The following DTNB variants were observed in gnomAD, a reference collection of about 807,000 sequenced individuals.
DTNB encodes DTN-B.
A neutral mutation model predicts 90.7 loss-of-function variants in DTNB; 63 were observed. The ratio of observed to expected loss-of-function variants is 0.69; its 90% CI spans 0.57 to 0.86. The LOEUF (loss-of-function observed/expected upper bound fraction) is 0.86, where lower values mean the gene tolerates loss of function less well. DTNB is among the 40% of genes least tolerant of loss of function. The pLI, the probability that DTNB is intolerant of heterozygous loss-of-function variation, is 0.00. For synonymous variants in DTNB, 277 were observed against 286.7 expected, an observed-to-expected ratio of 0.97 and a Z score of 0.34; for missense variants, 744 against 807.1, an observed-to-expected ratio of 0.92 and a Z score of 0.95.
chr2:25,617,870 CCT>C (rs1046315083), intron 4 of DTNB, among the ~76,000 whole-genome samples: 1 of 151,986 alleles, frequency 6.6e-6, no homozygotes, highest in Admixed American at 6.6e-5. Flanking sequence ...AGAGCAAGAC[CCT>C]GTCTCAATAA....
At position 25,424,999 on chromosome 2, in the gene DTNB, C is replaced by T. The variant is rs1209843682; in HGVS notation, c.1554+2536G>A. ...ATCTCCCATCCCACAGGTGTACTAA[C>T]TCCATGGCAGCAGGGCTTTTAAAGC... is the stretch of plus-strand genomic sequence containing the variant. On this transcript the variant is annotated intron_variant, in intron 15 of 20. Transcript: ENST00000406818. The surrounding 1 kb of genome is among the most constrained non-coding windows in gnomAD (Gnocchi z 4.1). Among the ~76,000 whole-genome samples the T allele has an allele frequency of 6.6e-6, 1 of 152,172 alleles. No homozygotes were observed. Among genetic ancestry groups the T allele is most frequent in the African/African-American group, 2.4e-5 (1 of 41,436 alleles).
intron 10 of DTNB, among the ~76,000 whole-genome samples, chr2:25,463,329 T>C (rs540410494): frequency 6.6e-6 from 1 of 152,328 alleles, no homozygotes; most frequent in South Asian, 2.1e-4. Context: ...CAAGTCCTGA[T>C]GGCTCTTATT....
intron 16 of DTNB, among the ~76,000 whole-genome samples, chr2:25,391,978 C>T (rs2041247468): frequency 6.6e-6 from 1 of 152,104 alleles, no homozygotes; most frequent in African/African-American, 2.4e-5. Flanking sequence ...TGAAAGAGCA[C>T]AGACAATCTA....
intron 8 of DTNB, among the ~76,000 whole-genome samples, chr2:25,553,741 CAAAAAAAAAAAA>C (rs1184090329): frequency 2.6e-5 from 1 of 39,024 alleles, no homozygotes; most frequent in African/African-American, 9.5e-5. Context: ...AACTCCTTCT[CAAAAAAAAAAAA>C]AAAAAAAAAG....
intron 6 of DTNB, among the ~76,000 whole-genome samples, chr2:25,591,358 A>T (rs1295670873): frequency 6.6e-6 from 1 of 152,156 alleles, no homozygotes; most frequent in Non-Finnish European, 1.5e-5. Context: ...AGCTCTATGG[A>T]GCATGCAGCC....
chr2:25,456,263 C>T (rs568164790), intron 10 of DTNB, among the ~76,000 whole-genome samples: 1 of 152,236 alleles, frequency 6.6e-6, no homozygotes. Flanking sequence ...ATTTTCATTC[C>T]TCCAACATTT....
At chr2:25,597,159 T>C (rs2064823011) in intron 5 of DTNB, among the ~76,000 whole-genome samples, 1 of 152,044 alleles carries the variant, frequency 6.6e-6, no homozygotes, top group African/African-American at 2.4e-5. Flanking sequence ...TGAGACCTCA[T>C]CCCTACAAAA....
At chr2:25,472,609 T>A (rs1243276955) in intron 10 of DTNB, among the ~76,000 whole-genome samples, 1 of 152,144 alleles carries the variant, frequency 6.6e-6, no homozygotes, top group Non-Finnish European at 1.5e-5. Flanking sequence ...TTAGGCCGGG[T>A]GCAGTGGCTC....
chr2:25,406,522 T>C (rs952321569), intron 16 of DTNB, among the ~76,000 whole-genome samples: 2 of 134,052 alleles, frequency 1.5e-5, no homozygotes, highest in Non-Finnish European at 3.1e-5. Context: ...GAAACAAGAG[T>C]GAAACTCCGT....
chr2:25,492,639 G>T (rs764326914), intron 9 of DTNB, among the ~76,000 whole-genome samples: 14 of 152,162 alleles, frequency 9.2e-5, no homozygotes, highest in African/African-American at 1.7e-4. Flanking sequence ...CGAGGCAGGA[G>T]AATCGCTTGC....
chr2:25,605,044 A>G (rs1211738148), intron 5 of DTNB, among the ~76,000 whole-genome samples: 2 of 152,232 alleles, frequency 1.3e-5, no homozygotes, highest in African/African-American at 4.8e-5. Flanking sequence ...TGGAAGGGGC[A>G]AGCCACATTT....
At chr2:25,505,810 GT>G (rs2072258650) in intron 9 of DTNB, among the ~76,000 whole-genome samples, 1 of 152,154 alleles carries the variant, frequency 6.6e-6, no homozygotes, top group African/African-American at 2.4e-5. Flanking sequence ...TGACGTCAAT[GT>G]CTTCATCATC....
intron 8 of DTNB, among the ~76,000 whole-genome samples, chr2:25,541,792 G>C (rs985557721): frequency 1.3e-5 from 2 of 152,092 alleles, no homozygotes; most frequent in Non-Finnish European, 2.9e-5. Flanking sequence ...GGAATTGCTG[G>C]ATTATATGGT....
At chr2:25,564,665 G>C (rs538564502) in intron 8 of DTNB, among the ~76,000 whole-genome samples, 3 of 152,174 alleles carry the variant, frequency 2.0e-5, no homozygotes, top group African/African-American at 7.2e-5. Context: ...TGGGATTATG[G>C]GCATGAGCCA....
chr2:25,511,469 T>A (rs905239722), intron 9 of DTNB, among the ~76,000 whole-genome samples: 1 of 152,034 alleles, frequency 6.6e-6, no homozygotes, highest in Non-Finnish European at 1.5e-5. Context: ...GTAGCTGGGA[T>A]TACAGGCGCC....
intron 16 of DTNB, among the ~76,000 whole-genome samples, chr2:25,410,357 C>A (rs2046289784): frequency 6.6e-6 from 1 of 151,954 alleles, no homozygotes; most frequent in Non-Finnish European, 1.5e-5. Context: ...TGGCACACAC[C>A]CCAAAGCTAC....
At chr2:25,555,691 C>T (rs1572527231) in intron 8 of DTNB, among the ~76,000 whole-genome samples, 1 of 152,038 alleles carries the variant, frequency 6.6e-6, no homozygotes, top group South Asian at 2.1e-4. Flanking sequence ...ACATCGATTC[C>T]ACTTATTATG....
In DTNB at chr2:25,650,186, C is replaced by T. The variant is rs568406526; in HGVS notation, c.67+2408G>A. The T allele has an allele frequency of 2.9e-5, 29 of 985,432 alleles. No homozygotes were observed. The South Asian group carries it at 1.0e-3, about 35-fold the overall frequency. 61.0% of individuals were successfully genotyped at this position (985,432 alleles called of 1,614,324 possible). ...GCCTGCATGCGTATTACTTAAGGCA[C>T]CCCAGCCTCTTCTTAGTATCAGGAA... On this transcript the variant is annotated intron_variant, in intron 2 of 20. Transcript: ENST00000406818.
chr2:25,611,709 C>T (rs916321830), intron 4 of DTNB, among the ~76,000 whole-genome samples: 2 of 152,130 alleles, frequency 1.3e-5, no homozygotes, highest in Non-Finnish European at 2.9e-5. Context: ...AACTGTGGCG[C>T]ATGCCTGTAG....
Sources: allele counts gnomAD v4.1 joint callset (sites outside exome capture counted in the v4.1 genomes callset), GRCh38; gene constraint gnomAD v4.1.1; non-coding constraint Gnocchi (gnomAD v3.1); transcripts MANE v1.5; gene names NCBI Gene and HGNC (gene_info 2026-07-23, HGNC 2026-07-21).